UTS2B: variants seen among roughly 807,000 people sequenced by gnomAD.
UTS2B encodes urotensin 2B, also known as urotensin-2B.
A neutral mutation model predicts 19.2 loss-of-function variants in UTS2B; 21 were observed. That is an observed-to-expected ratio of 1.09 (90% CI 0.78 to 1.58). The LOEUF (loss-of-function observed/expected upper bound fraction) is 1.58. Among genes scored for constraint, UTS2B ranks in the 40% most tolerant of loss-of-function variants. The probability of loss-of-function intolerance (pLI) is 0.00; values close to 1 mark genes in which losing one functional copy is unlikely to be tolerated. For missense variants in UTS2B, 138 were observed against 130.3 expected, an observed-to-expected ratio of 1.06 and a Z score of -0.29; for synonymous variants, 57 against 50.2, an observed-to-expected ratio of 1.14 and a Z score of -0.58.
intron 4 of UTS2B, among the ~76,000 whole-genome samples, chr3:191,299,007 A>T (rs1168522447): frequency 6.6e-6 from 1 of 152,210 alleles, no homozygotes; most frequent in African/African-American, 2.4e-5. Flanking sequence ...GTGGCAGAAG[A>T]GATTTCTAAG....
intron 8 of UTS2B, among the ~76,000 whole-genome samples, chr3:191,270,797 TAG>T (rs370334228): frequency 2.6e-5 from 4 of 152,082 alleles, no homozygotes; most frequent in African/African-American, 9.7e-5. Flanking sequence ...CATAGACCCA[TAG>T]AGAGTTGTTT....
intron 4 of UTS2B, among the ~76,000 whole-genome samples, chr3:191,295,147 C>A (rs1041661452): frequency 1.3e-5 from 2 of 152,018 alleles, no homozygotes. Flanking sequence ...TCTAGTCTTT[C>A]CATCCCATTC....
the UTS2B span, among the ~76,000 whole-genome samples, chr3:191,338,808 T>C: frequency 1.2e-3 from 181 of 152,322 alleles, 1 homozygote; most frequent in Non-Finnish European, 2.1e-3. Context: ...ACACCTGAAG[T>C]CAGAGTGGTC....
At chr3:191,312,718 A>G (rs1360264797) in intron 3 of UTS2B, among the ~76,000 whole-genome samples, 1 of 152,196 alleles carries the variant, frequency 6.6e-6, no homozygotes, top group African/African-American at 2.4e-5. Context: ...AGTCCCTGTG[A>G]CTTCCAGAAC....
chr3:191,337,517 G>A, the UTS2B span, among the ~76,000 whole-genome samples: 1 of 151,776 alleles, frequency 6.6e-6, no homozygotes, highest in Non-Finnish European at 1.5e-5. Context: ...GCTAATTTTT[G>A]TATTTTTAGT....
chr3:191,272,038 T>C (rs987155854), intron 8 of UTS2B, among the ~76,000 whole-genome samples: 1 of 152,238 alleles, frequency 6.6e-6, no homozygotes, highest in Non-Finnish European at 1.5e-5. Context: ...ACCTGCTTCA[T>C]CTCTTTCCTA....
chr3:191,317,567 T>TTTG (rs61650426), intron 2 of UTS2B, among the ~76,000 whole-genome samples: 1,823 of 151,428 alleles, frequency 0.012, 20 homozygotes, highest in African/African-American at 0.022. Context: ...TAGGATAGTC[T>TTTG]TTGTTGTTGT....
intron 3 of UTS2B, among the ~76,000 whole-genome samples, chr3:191,309,887 G>A (rs988964361): frequency 3.3e-5 from 5 of 152,160 alleles, no homozygotes; most frequent in African/African-American, 1.2e-4. Context: ...GCAGAACCAT[G>A]AGCCAATTAA....
At chr3:191,322,585 A>G (rs1576937546) in intron 2 of UTS2B, among the ~76,000 whole-genome samples, 1 of 152,226 alleles carries the variant, frequency 6.6e-6, no homozygotes, top group Non-Finnish European at 1.5e-5. Context: ...AAATATTCCA[A>G]AGAGGTTTGC....
chr3:191,335,794 C>T, the UTS2B span, among the ~76,000 whole-genome samples: 13,951 of 152,056 alleles, frequency 0.092, 694 homozygotes, highest in East Asian at 0.25. Context: ...TCAAGTTCAG[C>T]GAATAATTTA....
In UTS2B at chr3:191,285,276, A is replaced by T. The variant is rs557955750; in HGVS notation, c.-124-2963T>A. The stretch of plus-strand genomic sequence containing the variant: ...TAAGTTGCTATCAGCTTAGGATAGT[A>T]TGTTATAATAAGATACTTTATTTTA... On this transcript the variant is annotated intron_variant, in intron 4 of 8. Coordinates refer to ENST00000340524, the MANE Select transcript of UTS2B (RefSeq NM_198152.5). Among the ~76,000 whole-genome samples, 75 of 152,340 alleles carry T rather than the reference A, an allele frequency of 4.9e-4. 1 individual carries two copies. The highest frequency in any genetic ancestry group is 9.4e-4 in the Non-Finnish European group (64 of 68,020).
chr3:191,302,829 C>G (rs893186398), intron 4 of UTS2B, among the ~76,000 whole-genome samples: 2 of 152,110 alleles, frequency 1.3e-5, no homozygotes, highest in African/African-American at 4.8e-5. Context: ...AGAAACAAGG[C>G]CTCTCTGACC....
intron 4 of UTS2B, among the ~76,000 whole-genome samples, chr3:191,288,167 A>G (rs182236039): frequency 3.8e-4 from 58 of 152,316 alleles, no homozygotes; most frequent in Middle Eastern, 3.4e-3. Flanking sequence ...CATGAATTAG[A>G]ATAATTAATA....
chr3:191,324,833 G>A lies in UTS2B; in HGVS notation c.-586+3798C>T, dbSNP rs184377615. On this transcript the variant is annotated intron_variant, in intron 2 of 8. Coordinates refer to ENST00000340524, the MANE Select transcript of UTS2B (RefSeq NM_198152.5). Reference sequence around the variant, plus strand: ...GGAGGCTGAGGCAGGTAGATCACTCGAGATTAGGAGTTCAAGACCAGCCTG... The same window carrying A: ...GGAGGCTGAGGCAGGTAGATCACTCAAGATTAGGAGTTCAAGACCAGCCTG... 3.2e-4 allele frequency among the ~76,000 whole-genome samples: 49 copies of A among 152,262 alleles called. No homozygotes were observed. The East Asian group carries it at 7.9e-3, about 25-fold the overall frequency.
the UTS2B span, among the ~76,000 whole-genome samples, chr3:191,343,235 T>A: frequency 2.8e-4 from 42 of 152,348 alleles, 1 homozygote; most frequent in South Asian, 5.2e-3. Context: ...TGGCTATTAT[T>A]TCTCTCATAT....
chr3:191,302,886 G>A (rs1325874559), intron 4 of UTS2B, among the ~76,000 whole-genome samples: 3 of 152,188 alleles, frequency 2.0e-5, no homozygotes, highest in Non-Finnish European at 2.9e-5. Flanking sequence ...CCCAAAGCAG[G>A]CATGAAGAGG....
intron 4 of UTS2B, among the ~76,000 whole-genome samples, chr3:191,299,388 C>A (rs945444624): frequency 6.6e-6 from 1 of 152,248 alleles, no homozygotes; most frequent in Non-Finnish European, 1.5e-5. Flanking sequence ...TTTGCAGCCT[C>A]TGGACACTGC....
At chr3:191,278,434 G>GA (rs1459903773) in intron 5 of UTS2B, among the ~76,000 whole-genome samples, 2 of 151,990 alleles carry the variant, frequency 1.3e-5, no homozygotes, top group African/African-American at 4.8e-5. Flanking sequence ...CTTCTGAGTA[G>GA]AAGAATTGGA....
upstream of UTS2B, among the ~76,000 whole-genome samples, chr3:191,333,304 G>C (rs1004008208): frequency 3.9e-5 from 6 of 152,168 alleles, no homozygotes; most frequent in Non-Finnish European, 5.9e-5. Flanking sequence ...TTTAGGTTCA[G>C]GGCACTCCAG....
Sources: allele counts gnomAD v4.1 joint callset (sites outside exome capture counted in the v4.1 genomes callset), GRCh38; gene constraint gnomAD v4.1.1; transcripts MANE v1.5; gene names NCBI Gene and HGNC (gene_info 2026-07-23, HGNC 2026-07-21).